RIMS2: variants seen among roughly 807,000 people sequenced by gnomAD.
RIMS2 encodes regulating synaptic membrane exocytosis protein 2.
A neutral mutation model predicts 174.4 loss-of-function variants in RIMS2; 59 were observed. That is an observed-to-expected ratio of 0.34 (90% CI 0.27 to 0.42). The LOEUF (loss-of-function observed/expected upper bound fraction) is 0.42, where lower values mean the gene tolerates loss of function less well. Among genes scored for constraint, RIMS2 ranks in the 10% least tolerant of loss-of-function variants. RIMS2 has a pLI of 1.00. For synonymous variants in RIMS2, 606 were observed against 572.5 expected (o/e 1.06, Z -0.84); for missense variants, 1,620 against 1,666.3 (o/e 0.97, Z 0.48).
At chr8:103,535,590 C>G (rs1839384765) in intron 1 of RIMS2, among the ~76,000 whole-genome samples, 1 of 152,196 alleles carries the variant, frequency 6.6e-6, no homozygotes, top group Admixed American at 6.5e-5. Context: ...CAGTGGTGTA[C>G]TTTGGCCATC....
intron 2 of RIMS2, among the ~76,000 whole-genome samples, chr8:103,748,878 G>A (rs1401067828): frequency 6.6e-6 from 1 of 151,694 alleles, no homozygotes; most frequent in Non-Finnish European, 1.5e-5. Flanking sequence ...TCAGCTCACC[G>A]CAACCTCCGC....
chr8:103,845,577 A>G (rs2098963617), intron 3 of RIMS2, among the ~76,000 whole-genome samples: 2 of 152,148 alleles, frequency 1.3e-5, no homozygotes, highest in African/African-American at 2.4e-5. Flanking sequence ...CCATGATTTC[A>G]CAACTGGCAG....
chr8:104,252,597 T>TTAAA (rs2099361846), downstream of RIMS2: 3 of 151,946 alleles, frequency 2.0e-5, no homozygotes, highest in South Asian at 6.2e-4. Flanking sequence ...TAAATTTCAC[T>TTAAA]AGTGCATGGT....
At chr8:103,790,680 A>C (rs1253883110) in intron 3 of RIMS2, among the ~76,000 whole-genome samples, 1 of 152,176 alleles carries the variant, frequency 6.6e-6, no homozygotes, top group Non-Finnish European at 1.5e-5. Context: ...GATGTTGAGC[A>C]TCTTTTCTTG....
chr8:104,023,118 T>C (rs994732499), intron 19 of RIMS2, among the ~76,000 whole-genome samples: 7 of 152,192 alleles, frequency 4.6e-5, no homozygotes, highest in African/African-American at 1.7e-4. Flanking sequence ...GTTTTTTTAA[T>C]TGGTTAAAGC....
chr8:103,687,694 T>C (rs2096959562), intron 1 of RIMS2, among the ~76,000 whole-genome samples: 1 of 152,132 alleles, frequency 6.6e-6, no homozygotes, highest in Admixed American at 6.6e-5. Flanking sequence ...CTGGTGATCA[T>C]AATTCTACCC....
At chr8:103,632,992 C>CAA (rs2095977327) in intron 1 of RIMS2, among the ~76,000 whole-genome samples, 1 of 151,158 alleles carries the variant, frequency 6.6e-6, no homozygotes, top group African/African-American at 2.4e-5. Flanking sequence ...CTTGGCCTCC[C>CAA]AAAGTGCTAG....
chr8:103,731,446 G>C (rs749394570), intron 2 of RIMS2, among the ~76,000 whole-genome samples: 7 of 152,066 alleles, frequency 4.6e-5, no homozygotes, highest in Non-Finnish European at 1.0e-4. Context: ...TTGGAGTTAA[G>C]TTTTGGTATT....
chr8:104,043,767 C>T (rs1013510977), intron 19 of RIMS2, among the ~76,000 whole-genome samples: 3 of 151,386 alleles, frequency 2.0e-5, no homozygotes, highest in Non-Finnish European at 4.4e-5. Context: ...AGTGAGTTTC[C>T]AAGATGGAGC....
Position 104,195,153 on chromosome 8 carries a change from T to C in RIMS2, c.3335-49763T>C, listed in dbSNP as rs990067439. Among the ~76,000 whole-genome samples the C allele has an allele frequency of 5.3e-5, 8 of 152,300 alleles. No homozygotes were observed. In the East Asian group the frequency reaches 1.4e-3, roughly 26 times the overall value. ...GACAGAATGGTAGTATTTTTGATAA[T>C]AGAAATTAGAGATTATGAGGCCCTG... is the stretch of plus-strand genomic sequence containing the variant. On this transcript the variant is annotated intron_variant, in intron 19 of 23. Coordinates refer to ENST00000504942, the Ensembl canonical transcript of RIMS2.
intron 14 of RIMS2, among the ~76,000 whole-genome samples, chr8:103,948,665 AAGT>A (rs1439998009): frequency 6.6e-6 from 1 of 152,194 alleles, no homozygotes; most frequent in East Asian, 1.9e-4. Flanking sequence ...AGTTGGCTGG[AAGT>A]AGCAATAGAC....
chr8:103,672,206 G>GT (rs1203761071), intron 1 of RIMS2, among the ~76,000 whole-genome samples: 118 of 147,190 alleles, frequency 8.0e-4, no homozygotes, highest in East Asian at 4.8e-3. Flanking sequence ...GTCTTCTATT[G>GT]TTTTTTTTTT....
chr8:103,922,012 G>A, intron 10 of RIMS2: 3 of 276,668 alleles, frequency 1.1e-5, no homozygotes, highest in South Asian at 1.3e-4. Flanking sequence ...ATTTTGTAAA[G>A]GTACCTAAAC....
chr8:103,969,235 C>T (rs1186514371), intron 15 of RIMS2, among the ~76,000 whole-genome samples: 3 of 152,102 alleles, frequency 2.0e-5, no homozygotes, highest in African/African-American at 7.2e-5. Context: ...TGGTTCCTGA[C>T]ATTAGTTTGG....
At chr8:104,007,203 A>G (rs2095615688) in intron 17 of RIMS2, among the ~76,000 whole-genome samples, 1 of 152,104 alleles carries the variant, frequency 6.6e-6, no homozygotes. Context: ...TTTATATTAC[A>G]TATTTTGTAT....
chr8:103,816,111 T>G (rs1427151091), intron 3 of RIMS2, among the ~76,000 whole-genome samples: 3 of 152,210 alleles, frequency 2.0e-5, no homozygotes, highest in Non-Finnish European at 4.4e-5. Context: ...TCTATAAACA[T>G]TCTTTATAAT....
chr8:103,918,393 A>T, intron 8 of RIMS2, 48 bp from the exon 12 acceptor site: 1 of 1,217,540 alleles, frequency 8.2e-7, no homozygotes, highest in Non-Finnish European at 1.2e-6. Flanking sequence ...GAGTTGCATT[A>T]ATTGTTGAAA....
intron 17 of RIMS2, among the ~76,000 whole-genome samples, chr8:103,989,804 T>C (rs2094572910): frequency 6.6e-6 from 1 of 152,176 alleles, no homozygotes; most frequent in African/African-American, 2.4e-5. Context: ...TTTAAAGTCT[T>C]TTACATTCAT....
rs568080250 is a variant in RIMS2, at chr8:103,582,188, A to G, written c.176+81126A>G. On this transcript the variant is annotated intron_variant, in intron 1 of 23. Coordinates refer to ENST00000504942, the Ensembl canonical transcript of RIMS2. ...ATTTCTAGACACATCCTGGGCCAGG[A>G]TGGAACCCACTGCCTTGAAGGAAAG... Among the ~76,000 whole-genome samples the G allele has an allele frequency of 5.3e-5, 8 of 152,020 alleles. No homozygotes were observed. In the South Asian group the frequency reaches 1.0e-3, roughly 20 times the overall value.
Sources: gnomAD v4.1 joint callset for allele counts (sites outside exome capture counted in the v4.1 genomes callset) on GRCh38, gnomAD v4.1.1 for gene constraint, MANE v1.5 for transcripts, NCBI Gene and HGNC (gene_info 2026-07-23, HGNC 2026-07-21) for gene names.